The following CNTNAP4 variants were observed in gnomAD, a reference collection of about 807,000 sequenced individuals.
The protein encoded by CNTNAP4 is contactin associated protein family member 4.
In CNTNAP4, 98 loss-of-function variants were observed where a neutral mutation model predicts 148.4. That is an observed-to-expected ratio of 0.66 (90% confidence interval 0.56 to 0.78). CNTNAP4 has a LOEUF of 0.78. Ranked by LOEUF, CNTNAP4 falls within the 30% of genes least tolerant of loss-of-function variation. The probability of loss-of-function intolerance (pLI) is 0.00; values close to 1 mark genes in which losing one functional copy is unlikely to be tolerated. For missense variants in CNTNAP4, 1,935 were observed against 1,565.6 expected (o/e 1.24, Z -3.98); for synonymous variants, 730 against 565.1 (o/e 1.29, Z -4.14).
At chr16:76,468,237 G>A (rs879622909) in intron 10 of CNTNAP4, among the ~76,000 whole-genome samples, 1 of 152,014 alleles carries the variant, frequency 6.6e-6, no homozygotes, top group Non-Finnish European at 1.5e-5. Flanking sequence ...ACTTAGGGAG[G>A]CCAAGGCAGG....
chr16:76,486,985 T>C (rs1355016172), intron 12 of CNTNAP4, among the ~76,000 whole-genome samples: 1 of 152,148 alleles, frequency 6.6e-6, no homozygotes, highest in Non-Finnish European at 1.5e-5. Flanking sequence ...TCTGTTAGTA[T>C]AGATTAGACA....
chr16:76,559,797 G>A lies in CNTNAP4; in HGVS notation c.*1114G>A, dbSNP rs921991076. 3.9e-5 allele frequency among the ~76,000 whole-genome samples: 6 copies of A among 152,014 alleles called. No homozygotes were observed. Among genetic ancestry groups the A allele is most frequent in the Non-Finnish European group, 8.8e-5 (6 of 67,994 alleles). ...ATATACCCCTTTAGGTGTACATTTTGCTGTGCATAGACTTCCAGTACATAC... is the reference window on the plus strand; with the variant it reads ...ATATACCCCTTTAGGTGTACATTTTACTGTGCATAGACTTCCAGTACATAC... On this transcript the variant is annotated 3_prime_UTR_variant, in exon 24 of 24. Coordinates refer to ENST00000611870, the MANE Select transcript of CNTNAP4 (RefSeq NM_033401.5).
chr16:76,291,929 T>C (rs16944156), intron 1 of CNTNAP4, among the ~76,000 whole-genome samples: 2,365 of 152,298 alleles, frequency 0.016, 72 homozygotes, highest in African/African-American at 0.054. Flanking sequence ...TCCTTTCCAG[T>C]GCATTTCTCT....
intron 8 of CNTNAP4, among the ~76,000 whole-genome samples, chr16:76,459,584 T>C (rs1289589149): frequency 6.6e-6 from 1 of 152,222 alleles, no homozygotes; most frequent in Non-Finnish European, 1.5e-5. Context: ...CAAATGTATG[T>C]GGTAGAAATT....
At chr16:76,392,789 A>C (rs551486000) in intron 3 of CNTNAP4, among the ~76,000 whole-genome samples, 2 of 152,320 alleles carry the variant, frequency 1.3e-5, no homozygotes, top group African/African-American at 2.4e-5. Context: ...ACATGTCCTC[A>C]TTACCTGGGC....
chr16:76,302,395 C>T (rs374886387), intron 1 of CNTNAP4, among the ~76,000 whole-genome samples: 8 of 152,158 alleles, frequency 5.3e-5, no homozygotes, highest in East Asian at 1.9e-4. Flanking sequence ...GCTGAACCTC[C>T]GTTTATGGGC....
At chr16:76,352,252 A>G in intron 2 of CNTNAP4, among the ~76,000 whole-genome samples, 1 of 152,190 alleles carries the variant, frequency 6.6e-6, no homozygotes. Context: ...TAAAGTTTTG[A>G]CAGGGCCTGG....
intron 19 of CNTNAP4, among the ~76,000 whole-genome samples, chr16:76,538,871 T>G (rs549331615): frequency 6.6e-6 from 1 of 152,072 alleles, no homozygotes; most frequent in African/African-American, 2.4e-5. Context: ...GAAATGTGTT[T>G]CCTACAGAAA....
intron 3 of CNTNAP4, among the ~76,000 whole-genome samples, chr16:76,396,727 G>A (rs2078218419): frequency 6.6e-6 from 1 of 152,136 alleles, no homozygotes; most frequent in Admixed American, 6.5e-5. Flanking sequence ...TGCCTACTGT[G>A]TATCAGCCAG....
intron 1 of CNTNAP4, among the ~76,000 whole-genome samples, chr16:76,291,178 C>T (rs868205079): frequency 6.6e-6 from 1 of 152,140 alleles, no homozygotes; most frequent in South Asian, 2.1e-4. Flanking sequence ...CTCACTGTTG[C>T]AACTGTCTAA....
rs886518040 is a variant in CNTNAP4 at position 76,489,666 on chromosome 16, C to T, written c.1883-20C>T. ...CTAGTGATGGTCTCCTCTCTTTCTC[C>T]CCCCATTTCTGCATACAAGAAACTG... On this transcript the variant is annotated intron_variant, in intron 12 of 23. Transcript: ENST00000611870. The T allele has an allele frequency of 5.0e-6, 7 of 1,408,370 alleles. No homozygotes were observed. The highest frequency in any genetic ancestry group is 4.4e-5 in the Admixed American group (2 of 45,808). The allele number at this position is 1,408,370 out of a possible 1,614,324, so 87.2% of individuals were successfully genotyped here.
At chr16:76,452,874 A>G (rs1324803504) in intron 8 of CNTNAP4, 105 bp downstream of exon 8, 6 of 1,022,674 alleles carry the variant, frequency 5.9e-6, no homozygotes, top group Non-Finnish European at 6.9e-6. Flanking sequence ...TGCTTAATAA[A>G]TGAATACTCA....
chr16:76,471,853 TGTG>T lies in CNTNAP4; in HGVS notation c.1656-4079_1656-4077del, dbSNP rs552948080. Among the ~76,000 whole-genome samples the T allele has an allele frequency of 7.7e-3, 1,166 of 152,302 alleles. 15 individuals carry two copies. Among genetic ancestry groups the T allele is most frequent in the African/African-American group, 0.027 (1,134 of 41,570 alleles). ...TTGCGGAAGAATGTAAGATTTGAAT[TGTG>T]GTGGTGACCATTATCCTAGCGCTCA... On this transcript the variant is annotated intron_variant, in intron 10 of 23. Transcript: ENST00000611870.
At chr16:76,427,952 G>T (rs947301177) in intron 4 of CNTNAP4, among the ~76,000 whole-genome samples, 1 of 152,128 alleles carries the variant, frequency 6.6e-6, no homozygotes. Flanking sequence ...GGTATCCTGA[G>T]TCTAATAAAA....
At chr16:76,402,685 G>C (rs964022083) in intron 3 of CNTNAP4, among the ~76,000 whole-genome samples, 1 of 152,010 alleles carries the variant, frequency 6.6e-6, no homozygotes, top group African/African-American at 2.4e-5. Context: ...TCTTGATGGG[G>C]CATTGAGTGC....
At chr16:76,420,678 AAACAACAAC>A (rs199509550) in intron 3 of CNTNAP4, among the ~76,000 whole-genome samples, 6 of 151,790 alleles carry the variant, frequency 4.0e-5, no homozygotes, top group African/African-American at 1.5e-4. Context: ...CCATGACCAA[AAACAACAAC>A]AACAACAACA....
At chr16:76,278,974 G>C (rs1171073030) in intron 1 of CNTNAP4, among the ~76,000 whole-genome samples, 2 of 152,160 alleles carry the variant, frequency 1.3e-5, no homozygotes, top group Admixed American at 1.3e-4. Context: ...CACTTCAGGT[G>C]CTGCACATCA....
intron 3 of CNTNAP4, among the ~76,000 whole-genome samples, chr16:76,380,940 A>C (rs554974900): frequency 6.6e-6 from 1 of 152,170 alleles, no homozygotes; most frequent in East Asian, 1.9e-4. Context: ...TTAGTTGTCT[A>C]TCATCTTAGG....
chr16:76,369,778 G>A (rs1445906649), intron 3 of CNTNAP4, among the ~76,000 whole-genome samples: 1 of 152,176 alleles, frequency 6.6e-6, no homozygotes, highest in South Asian at 2.1e-4. Context: ...GGAAGCAGAT[G>A]TTGCAGTGAG....
Sources: allele counts gnomAD v4.1 joint callset (sites outside exome capture counted in the v4.1 genomes callset), GRCh38; gene constraint gnomAD v4.1.1; transcripts MANE v1.5; gene names NCBI Gene and HGNC (gene_info 2026-07-23, HGNC 2026-07-21).